Variants in OGDH observed in about 807,000 individuals in gnomAD.
OGDH encodes the protein oxoglutarate dehydrogenase, also known as 2-oxoglutarate dehydrogenase complex component E1.
A neutral mutation model predicts 116.6 loss-of-function variants in OGDH; 38 were observed. The ratio of observed to expected loss-of-function variants is 0.33; its 90% CI spans 0.25 to 0.43. The LOEUF is 0.43. Ranked by LOEUF, OGDH falls within the 20% of genes least tolerant of loss-of-function variation. The probability of loss-of-function intolerance (pLI) is 1.00; values close to 1 mark genes in which losing one functional copy is unlikely to be tolerated. For synonymous variants in OGDH, 488 were observed against 533.3 expected (o/e 0.92, Z 1.17); for missense variants, 825 against 1,357.2 (o/e 0.61, Z 6.16).
chr7:44,704,268 A>G (rs1256263560), intron 20 of OGDH, among the ~76,000 whole-genome samples: 1 of 152,052 alleles, frequency 6.6e-6, no homozygotes, highest in African/African-American at 2.4e-5. Context: ...ATGATATTTC[A>G]TTGTGGCTTT....
chr7:44,702,028 G>A lies in OGDH; in HGVS notation c.2632+413G>A, dbSNP rs1485419161. On this transcript the variant is annotated intron_variant, in intron 20 of 22. Coordinates refer to ENST00000222673, the MANE Select transcript of OGDH (RefSeq NM_002541.4). ...GGACGTTGCAGTGAGCTGCTATCAC[G>A]CCATTGCACTCCAGCCTGGGCAATA... 5.4e-5 allele frequency among the ~76,000 whole-genome samples: 8 copies of A among 148,452 alleles called. No homozygotes were observed. The South Asian group carries it at 1.5e-3, about 27-fold the overall frequency.
chr7:44,658,954 G>A (rs973763977), intron 4 of OGDH, among the ~76,000 whole-genome samples: 14 of 151,924 alleles, frequency 9.2e-5, no homozygotes, highest in Non-Finnish European at 4.4e-5. Flanking sequence ...TCCCACCTCA[G>A]CCTCCCAAGT....
At chr7:44,705,159 T>C in intron 20 of OGDH, among the ~76,000 whole-genome samples, 1 of 140,858 alleles carries the variant, frequency 7.1e-6, no homozygotes. Context: ...TTCACGCCAT[T>C]CTCCTGCCTC....
intron 19 of OGDH, among the ~76,000 whole-genome samples, chr7:44,700,483 C>G (rs1488336745): frequency 6.6e-6 from 1 of 152,238 alleles, no homozygotes; most frequent in Non-Finnish European, 1.5e-5. Flanking sequence ...CCCGACTGGG[C>G]CCCTGCATAC....
At position 44,679,117 on chromosome 7, in the gene OGDH, G is replaced by C. The variant is rs181402576; in HGVS notation, c.1207-2603G>C. On this transcript the variant is annotated intron_variant, in intron 9 of 22. Transcript: ENST00000222673. ...TTCAGCAGACAGTTACCACAGTGCA[G>C]TATGGCATGGTAGTCGCAGTACAAC... Among the ~76,000 whole-genome samples the C allele has an allele frequency of 3.5e-3, 532 of 152,308 alleles. 6 individuals are homozygous for C. Among genetic ancestry groups the C allele is most frequent in the Non-Finnish European group, 3.0e-3 (205 of 68,030 alleles).
intron 2 of OGDH, among the ~76,000 whole-genome samples, chr7:44,639,005 C>T (rs2115691232): frequency 6.6e-6 from 1 of 152,282 alleles, no homozygotes; most frequent in African/African-American, 2.4e-5. Context: ...AACGCTCTCC[C>T]AGATAGTGAC....
intron 13 of OGDH, 122 bp from the exon 14 acceptor site, chr7:44,696,307 G>A (rs538899780): frequency 1.5e-6 from 2 of 1,297,268 alleles, no homozygotes; most frequent in East Asian, 4.7e-5. Context: ...TGTTTTCTGG[G>A]GAACACAGTG....
rs756680330 is a variant in OGDH at position 44,697,047 on chromosome 7, G to T, written c.2034G>T (p.Val678=). 2.8e-5 allele frequency: 45 copies of T among 1,613,862 alleles called. No individual in the cohort carries two copies. The highest frequency in any genetic ancestry group is 4.2e-6 in the Non-Finnish European group (5 of 1,179,848). ...ACATTCGGCTGAGCGGCCAGGACGT[G>T]GAGCGGGGCACATTCAGGTAACGTT... is the stretch of plus-strand genomic sequence containing the variant. ...GIHIRLSGQD[V]ERGTFSHRHH... Residue 678 remains valine (V), a synonymous_variant, in exon 15 of 23, where the codon GTG becomes GTT. Transcript: ENST00000222673. The surrounding 1 kb of genome is among the most constrained non-coding windows in gnomAD (Gnocchi z 6.0).
In OGDH at chr7:44,700,280, G is replaced by A. The variant is rs1260108751; in HGVS notation, c.2559+11G>A. On this transcript the variant is annotated intron_variant, in intron 19 of 22. Coordinates refer to ENST00000222673, the MANE Select transcript of OGDH (RefSeq NM_002541.4). ...CCATTCCGGAAGCCGGTCAGTGGCA[G>A]GGCCTCCCTTGCTCAAACGAGGCCT... 5.0e-6 allele frequency: 8 copies of A among 1,613,978 alleles called. No individual in the cohort carries two copies. Among genetic ancestry groups the A allele is most frequent in the Non-Finnish European group, 5.9e-6 (7 of 1,179,924 alleles).
At chr7:44,693,360 A>C (rs1290308873) in intron 10 of OGDH, among the ~76,000 whole-genome samples, 1 of 152,008 alleles carries the variant, frequency 6.6e-6, no homozygotes, top group Non-Finnish European at 1.5e-5. Flanking sequence ...CTATAATAAC[A>C]CTTCGGGAAG....
intron 19 of OGDH, among the ~76,000 whole-genome samples, chr7:44,700,839 C>T (rs577198284): frequency 1.6e-4 from 24 of 152,174 alleles, no homozygotes; most frequent in South Asian, 6.2e-4. Context: ...AGTGAAACCC[C>T]GTCTCTACCA....
intron 5 of OGDH, among the ~76,000 whole-genome samples, chr7:44,671,587 C>A (rs570672105): frequency 8.7e-5 from 13 of 149,096 alleles, no homozygotes; most frequent in Middle Eastern, 3.5e-3. Context: ...CACGGTGAAA[C>A]CCCGTCTCTA....
chr7:44,698,611 C>T (rs1328055855), intron 18 of OGDH, among the ~76,000 whole-genome samples: 1 of 151,960 alleles, frequency 6.6e-6, no homozygotes, highest in African/African-American at 2.4e-5. Context: ...AACTTTGGGG[C>T]GATTCCAGTG....
intron 4 of OGDH, among the ~76,000 whole-genome samples, chr7:44,664,074 T>G (rs1787074014): frequency 1.3e-5 from 2 of 152,344 alleles, no homozygotes; most frequent in Admixed American, 6.5e-5. Flanking sequence ...TCCTGGGTCT[T>G]GTTATGAATT....
chr7:44,672,698 A>G (rs969737959), intron 5 of OGDH, among the ~76,000 whole-genome samples: 3 of 142,230 alleles, frequency 2.1e-5, no homozygotes, highest in African/African-American at 8.2e-5. Context: ...GCTGGAGTGC[A>G]GTGGCATGAT....
chr7:44,630,084 C>T (rs1301541512), intron 2 of OGDH, among the ~76,000 whole-genome samples: 1 of 152,208 alleles, frequency 6.6e-6, no homozygotes, highest in Non-Finnish European at 1.5e-5. Context: ...AAACACAGTA[C>T]TGGTGTTTTC....
chr7:44,608,131 G>C (rs1313659587), intron 1 of OGDH, among the ~76,000 whole-genome samples: 3 of 152,116 alleles, frequency 2.0e-5, no homozygotes, highest in Middle Eastern at 3.2e-3. Context: ...GGCCAGTCGT[G>C]GTGGCTCACG....
intron 1 of OGDH, among the ~76,000 whole-genome samples, chr7:44,610,215 G>C (rs1784508515): frequency 6.6e-6 from 1 of 151,904 alleles, no homozygotes; most frequent in African/African-American, 2.4e-5. Context: ...AATTCCTAAT[G>C]TATTCTAGAT....
chr7:44,680,376 T>C (rs1244403306), intron 9 of OGDH, among the ~76,000 whole-genome samples: 2 of 152,134 alleles, frequency 1.3e-5, no homozygotes, highest in Admixed American at 1.3e-4. Flanking sequence ...GCTTACATGA[T>C]TGTGGCATTG....
Sources: allele counts gnomAD v4.1 joint callset (sites outside exome capture counted in the v4.1 genomes callset), GRCh38; gene constraint gnomAD v4.1.1; non-coding constraint Gnocchi (gnomAD v3.1); transcripts MANE v1.5; gene names NCBI Gene and HGNC (gene_info 2026-07-23, HGNC 2026-07-21).